Variants in ADGRL2 observed in about 807,000 individuals in gnomAD.
ADGRL2 encodes adhesion G protein-coupled receptor L2.
ADGRL2 carries 44 observed loss-of-function variants against 157.4 expected under a neutral mutation model. That is an observed-to-expected ratio of 0.28 (90% CI 0.22 to 0.36). ADGRL2 has a LOEUF of 0.36. Among genes scored for constraint, ADGRL2 ranks in the 10% least tolerant of loss-of-function variants. The pLI is 1.00. For missense variants in ADGRL2, 1,510 were observed against 1,768.9 expected, an observed-to-expected ratio of 0.85 and a Z score of 2.63; for synonymous variants, 585 against 624.7, an observed-to-expected ratio of 0.94 and a Z score of 0.95.
intron 3 of ADGRL2, among the ~76,000 whole-genome samples, chr1:81,587,521 G>A (rs1314375299): frequency 2.6e-5 from 4 of 152,122 alleles, no homozygotes; most frequent in Admixed American, 6.6e-5. Flanking sequence ...TGTTGACTAT[G>A]ACTATAGCAT....
intron 3 of ADGRL2, among the ~76,000 whole-genome samples, chr1:81,653,183 C>A (rs1231470907): frequency 6.6e-6 from 1 of 152,026 alleles, no homozygotes; most frequent in African/African-American, 2.4e-5. Context: ...TTGTCTCTTG[C>A]AACTTATTTT....
At chr1:81,849,030 G>A (rs886202157) in intron 2 of ADGRL2, among the ~76,000 whole-genome samples, 6 of 152,000 alleles carry the variant, frequency 3.9e-5, no homozygotes, top group Middle Eastern at 3.4e-3. Flanking sequence ...TTAGAGGTAA[G>A]CAAATAGCAA....
chr1:81,868,557 A>T (rs1557809592), intron 2 of ADGRL2, among the ~76,000 whole-genome samples: 1 of 151,940 alleles, frequency 6.6e-6, no homozygotes, highest in African/African-American at 2.4e-5. Flanking sequence ...TAAACGTTTC[A>T]GTGTCTTTAT....
At chr1:81,807,740 T>C (rs1412744759) in intron 1 of ADGRL2, among the ~76,000 whole-genome samples, 1 of 151,864 alleles carries the variant, frequency 6.6e-6, no homozygotes, top group Non-Finnish European at 1.5e-5. Context: ...GTTAAGCATG[T>C]TAAGTATAGA....
At chr1:81,778,559 G>T (rs1361738437) in intron 2 of ADGRL2, among the ~76,000 whole-genome samples, 1 of 151,954 alleles carries the variant, frequency 6.6e-6, no homozygotes, top group African/African-American at 2.4e-5. Flanking sequence ...TGATGACATC[G>T]TCTTTTATAA....
chr1:81,405,072 T>C (rs545631289), intron 1 of ADGRL2, among the ~76,000 whole-genome samples: 6 of 152,296 alleles, frequency 3.9e-5, no homozygotes, highest in African/African-American at 1.4e-4. Flanking sequence ...TGGAAGTTAT[T>C]ATGTTGACTT....
At chr1:81,625,687 AC>A (rs1285755598) in intron 3 of ADGRL2, 1 of 152,200 alleles carries the variant, frequency 6.6e-6, no homozygotes, top group Non-Finnish European at 1.5e-5. Flanking sequence ...ATATGCTTCA[AC>A]AAAGTATTAA....
At chr1:81,789,954 C>G (rs2087253476) in intron 2 of ADGRL2, among the ~76,000 whole-genome samples, 1 of 152,060 alleles carries the variant, frequency 6.6e-6, no homozygotes, top group South Asian at 2.1e-4. Context: ...ACGATAGAAA[C>G]ATGGTACTTT....
intron 2 of ADGRL2, among the ~76,000 whole-genome samples, chr1:81,853,531 T>C (rs1052981011): frequency 1.7e-4 from 26 of 152,302 alleles, no homozygotes; most frequent in African/African-American, 5.5e-4. Context: ...TGGAGGTTGG[T>C]GTTTTTAAGA....
intron 2 of ADGRL2, among the ~76,000 whole-genome samples, chr1:81,491,168 A>G (rs1335700336): frequency 6.9e-6 from 1 of 145,412 alleles, no homozygotes; most frequent in Non-Finnish European, 1.5e-5. Context: ...TAGTGGACAA[A>G]TATATAATGT....
intron 1 of ADGRL2, among the ~76,000 whole-genome samples, chr1:81,425,049 A>G (rs2077187340): frequency 6.6e-6 from 1 of 152,228 alleles, no homozygotes; most frequent in East Asian, 1.9e-4. Flanking sequence ...CTGTCAGAAT[A>G]TGATGGATTC....
rs1233707751 is a variant in ADGRL2, at chr1:81,627,087, CTAT to C, written c.-143+46122_-143+46124del. ...CCTAGTAATTTTCAGTAAATGTTAG[CTAT>C]TATTATTATTATTACTATTATTATT... On this transcript the variant is annotated intron_variant, in intron 3 of 24. Coordinates refer to the ADGRL2 transcript ENST00000370721. 4.0e-5 allele frequency among the ~76,000 whole-genome samples: 6 copies of C among 151,432 alleles called. No homozygotes were observed. In the South Asian group the frequency reaches 6.3e-4, roughly 16 times the overall value.
intron 2 of ADGRL2, among the ~76,000 whole-genome samples, chr1:81,542,144 G>A (rs534959769): frequency 6.6e-6 from 1 of 152,246 alleles, no homozygotes; most frequent in Admixed American, 6.5e-5. Context: ...CATGCCCATG[G>A]CCTAGGGTTC....
At chr1:81,444,860 A>G (rs2077572444) in intron 1 of ADGRL2, among the ~76,000 whole-genome samples, 1 of 152,218 alleles carries the variant, frequency 6.6e-6, no homozygotes, top group Non-Finnish European at 1.5e-5. Context: ...ACTAATATCC[A>G]TCTCATCTAA....
chr1:81,910,419 T>TA (rs1024717465), intron 3 of ADGRL2, among the ~76,000 whole-genome samples: 8 of 151,896 alleles, frequency 5.3e-5, no homozygotes, highest in Non-Finnish European at 7.4e-5. Context: ...TGAGCCCCAG[T>TA]TTATTATAGA....
At chr1:81,687,362 C>T (rs1019333257) in intron 3 of ADGRL2, among the ~76,000 whole-genome samples, 1 of 152,120 alleles carries the variant, frequency 6.6e-6, no homozygotes, top group African/African-American at 2.4e-5. Flanking sequence ...TGATATTTTC[C>T]TGTTGGACAA....
chr1:81,500,099 A>T (rs762137907), intron 2 of ADGRL2, among the ~76,000 whole-genome samples: 6 of 152,220 alleles, frequency 3.9e-5, no homozygotes, highest in Non-Finnish European at 7.3e-5. Context: ...TATTTATGAA[A>T]CAAAAAGATA....
At chr1:81,563,329 G>T (rs1002925265) in intron 2 of ADGRL2, among the ~76,000 whole-genome samples, 1 of 152,084 alleles carries the variant, frequency 6.6e-6, no homozygotes, top group Non-Finnish European at 1.5e-5. Context: ...CAACCTTCTG[G>T]TGTCTGTGTC....
At chr1:81,498,720 G>A (rs1412969353) in intron 2 of ADGRL2, among the ~76,000 whole-genome samples, 1 of 152,038 alleles carries the variant, frequency 6.6e-6, no homozygotes, top group African/African-American at 2.4e-5. Flanking sequence ...CTGGAGAACA[G>A]CCATGAATTC....
Sources: allele counts gnomAD v4.1 joint callset (sites outside exome capture counted in the v4.1 genomes callset), GRCh38; gene constraint gnomAD v4.1.1; transcripts MANE v1.5; gene names NCBI Gene and HGNC (gene_info 2026-07-23, HGNC 2026-07-21).